Variants in NFKBID observed in about 807,000 individuals in gnomAD.
The protein encoded by NFKBID is NF-kappa-B inhibitor delta.
A neutral mutation model predicts 53.4 loss-of-function variants in NFKBID; 26 were observed. The observed-to-expected ratio is 0.49, with a 90% CI of 0.36 to 0.68. The LOEUF (loss-of-function observed/expected upper bound fraction) is 0.68, where lower values mean the gene tolerates loss of function less well. Ranked by LOEUF, NFKBID falls within the 30% of genes least tolerant of loss-of-function variation. The pLI is 0.00. For synonymous variants in NFKBID, 262 were observed against 259.8 expected, an observed-to-expected ratio of 1.01 and a Z score of -0.08; for missense variants, 493 against 614.1, an observed-to-expected ratio of 0.80 and a Z score of 2.08.
At chr19:35,889,777 C>T (rs1034018394) in intron 11 of NFKBID, 113 bp downstream of exon 11, 2 of 1,160,534 alleles carry the variant, frequency 1.7e-6, no homozygotes, top group Non-Finnish European at 2.4e-6. Context: ...GCTGAAGTCA[C>T]CTTCCGAGAT....
exon 12 of NFKBID, chr19:35,888,381 C>T (rs1488075762): frequency 5.1e-6 from 3 of 588,202 alleles, no homozygotes; most frequent in Admixed American, 6.0e-5. Context: ...AGGGGTATCA[C>T]AGCACCCCAA....
At chr19:35,897,918 G>T in intron 3 of NFKBID, 62 bp from the exon 4 acceptor site, 1 of 1,157,798 alleles carries the variant, frequency 8.6e-7, no homozygotes, top group Non-Finnish European at 1.2e-6. Flanking sequence ...GTCACATCCA[G>T]GGCTAGAGGG....
In NFKBID at chr19:35,898,002, A is replaced by C. The variant is rs1358449817; in HGVS notation, c.227-146T>G. ...CTCCCGGGACCTGGATTCCTGGGAC[A>C]CTGAGGAATTGAGGGCCTGGACTCC... On this transcript the variant is annotated intron_variant, in intron 3 of 11. Transcript: ENST00000641389. 3.7e-5 allele frequency: 23 copies of C among 629,004 alleles called. No homozygotes were observed. In the East Asian group the frequency reaches 6.0e-4, roughly 16 times the overall value. The allele number at this position is 629,004 out of a possible 1,614,324, so 39.0% of individuals were successfully genotyped here.
chr19:35,897,859 G>A lies in NFKBID; in HGVS notation c.227-3C>T. On this transcript the variant is annotated splice_region_variant and splice_polypyrimidine_tract_variant and intron_variant, in intron 3 of 11. Coordinates refer to ENST00000641389, the Ensembl canonical transcript of NFKBID. Reference sequence around the variant, plus strand: ...GTGTGCTGGGAAGGGAGGGTGGCCTGCGTGTAAGAGGAGGGGCAGGGGCAG... The same window carrying A: ...GTGTGCTGGGAAGGGAGGGTGGCCTACGTGTAAGAGGAGGGGCAGGGGCAG... 1 of 1,540,020 alleles carries A rather than the reference G, an allele frequency of 6.5e-7. No homozygotes were observed. The highest frequency in any genetic ancestry group is 1.4e-5 in the African/African-American group (1 of 73,302).
At chr19:35,894,996 A>G (rs1975037147) in intron 9 of NFKBID, among the ~76,000 whole-genome samples, 1 of 152,046 alleles carries the variant, frequency 6.6e-6, no homozygotes. Context: ...TCCATCTCAA[A>G]AAGAAAAAAA....
At chr19:35,900,468 G>A in exon 1 of NFKBID, 1 of 1,231,854 alleles carries the variant, frequency 8.1e-7, no homozygotes, top group Non-Finnish European at 1.0e-6. Context: ...CGTGGATTGC[G>A]GGCCCCCAGG....
At chr19:35,894,419 T>G (rs953758023) in intron 9 of NFKBID, among the ~76,000 whole-genome samples, 1 of 152,044 alleles carries the variant, frequency 6.6e-6, no homozygotes, top group South Asian at 2.1e-4. Flanking sequence ...GCTATAAGAT[T>G]TTTCAGGCTG....
Position 35,897,866 on chromosome 19 carries a change from AGAG to A in NFKBID, c.227-13_227-11del. ...GGGAAGGGAGGGTGGCCTGCGTGTA[AGAG>A]GAGGGGCAGGGGCAGGTCTGGTTAC... On this transcript the variant is annotated splice_polypyrimidine_tract_variant and intron_variant, in intron 3 of 11. Coordinates refer to ENST00000641389, the Ensembl canonical transcript of NFKBID. 6.5e-7 allele frequency: 1 copy of A among 1,534,602 alleles called. No individual in the cohort carries two copies. The highest frequency in any genetic ancestry group is 8.7e-7 in the Non-Finnish European group (1 of 1,144,156).
chr19:35,889,907 C>T, exon 11 of NFKBID: 1 of 1,609,606 alleles, frequency 6.2e-7, no homozygotes, highest in Non-Finnish European at 8.5e-7. Flanking sequence ...GGGCCCGGCC[C>T]GGGCCGCAGC....
exon 2 of NFKBID, chr19:35,898,728 G>A (rs1235011109): frequency 5.2e-6 from 8 of 1,535,844 alleles, no homozygotes; most frequent in Non-Finnish European, 7.0e-6. Flanking sequence ...CCTGCACCCC[G>A]CCAGCGTCGG....
At chr19:35,898,895 G>C (rs1975381503) in intron 1 of NFKBID, 73 bp from the exon 2 acceptor site, 1 of 1,249,080 alleles carries the variant, frequency 8.0e-7, no homozygotes, top group South Asian at 1.3e-5. Context: ...GTGGCGCGCG[G>C]GGAGTGGGTT....
upstream of NFKBID, chr19:35,902,077 C>T (rs1975580603): frequency 1.5e-6 from 1 of 677,808 alleles, no homozygotes; most frequent in South Asian, 1.6e-5. Flanking sequence ...CCAGCCTTAT[C>T]CCCTGAACTC....
intron 9 of NFKBID, among the ~76,000 whole-genome samples, chr19:35,891,178 A>C (rs912712098): frequency 6.6e-6 from 1 of 152,230 alleles, no homozygotes; most frequent in Non-Finnish European, 1.5e-5. Flanking sequence ...TAATCAGTGG[A>C]CTAGCTAATA....
chr19:35,892,559 ATT>A (rs773908018), intron 9 of NFKBID, among the ~76,000 whole-genome samples: 7 of 149,208 alleles, frequency 4.7e-5, no homozygotes, highest in South Asian at 2.2e-4. Flanking sequence ...AAAAAAAAAA[ATT>A]ATTTGTCCTT....
At chr19:35,897,695 G>A in exon 4 of NFKBID, 1 of 1,610,892 alleles carries the variant, frequency 6.2e-7, no homozygotes, top group Non-Finnish European at 8.5e-7. Flanking sequence ...GGGTCCGAGG[G>A]TGGGTAGAAG....
chr19:35,897,365 C>T, intron 4 of NFKBID: 4 of 546,790 alleles, frequency 7.3e-6, no homozygotes, highest in Non-Finnish European at 1.3e-5. Context: ...AGCAATTCCC[C>T]TGCCTCAGCC....
At chr19:35,890,031 G>A (rs1450699253) in exon 11 of NFKBID, 1 of 1,605,180 alleles carries the variant, frequency 6.2e-7, no homozygotes, top group Non-Finnish European at 8.5e-7. Flanking sequence ...CAGCCGCCAT[G>A]TGGAGGGCTG....
downstream of NFKBID, chr19:35,888,111 C>G (rs575166846): frequency 3.1e-5 from 5 of 161,014 alleles, no homozygotes; most frequent in African/African-American, 1.2e-4. Context: ...CCTCCTGTCT[C>G]AGGGTGAGGA....
At chr19:35,900,805 T>C (rs1451092352), upstream of NFKBID, 2 of 380,644 alleles carry the variant, frequency 5.3e-6, no homozygotes, top group Admixed American at 4.6e-5. Flanking sequence ...TTCTTTTCTT[T>C]TCTTTTTCTT....
Sources: gnomAD v4.1 joint callset for allele counts (sites outside exome capture counted in the v4.1 genomes callset) on GRCh38, gnomAD v4.1.1 for gene constraint, MANE v1.5 for transcripts, NCBI Gene and HGNC (gene_info 2026-07-23, HGNC 2026-07-21) for gene names.